The following ATP11A variants were observed in gnomAD, a reference collection of about 807,000 sequenced individuals.
ATP11A encodes phospholipid-transporting ATPase IH.
Under a neutral mutation model 154.4 loss-of-function variants are expected in ATP11A, and 81 were observed. The observed-to-expected ratio is 0.52, with a 90% CI of 0.44 to 0.63. ATP11A has a LOEUF of 0.63. ATP11A is among the 30% of genes least tolerant of loss of function. ATP11A has a pLI of 0.00. For synonymous variants in ATP11A, 623 were observed against 585.9 expected, an observed-to-expected ratio of 1.06 and a Z score of -0.91; for missense variants, 1,316 against 1,474.3, an observed-to-expected ratio of 0.89 and a Z score of 1.76.
intron 7 of ATP11A, 47 bp from the exon 8 acceptor site, chr13:112,819,853 G>C (rs777256806): frequency 6.2e-7 from 1 of 1,611,346 alleles, no homozygotes. Context: ...CGCTTCCCGG[G>C]GGCCGCTGGG....
rs566576296 is a variant in ATP11A, at chr13:112,755,308, GCACAGTCC to G, written c.40-29823_40-29816del. ...GTTTTCGTGTCTTCTGCTTTCCATT[GCACAGTCC>G]CACCCTCTCCTTGGATCCTAGAACT... On this transcript the variant is annotated intron_variant, in intron 1 of 29. Coordinates refer to ENST00000375645, the MANE Select transcript of ATP11A (RefSeq NM_015205.3). 2.0e-5 allele frequency among the ~76,000 whole-genome samples: 3 copies of G among 152,178 alleles called. No individual in the cohort carries two copies. In the East Asian group the frequency reaches 5.8e-4, roughly 30 times the overall value.
At chr13:112,768,981 T>A (rs1026687718) in intron 1 of ATP11A, among the ~76,000 whole-genome samples, 1 of 152,170 alleles carries the variant, frequency 6.6e-6, no homozygotes, top group East Asian at 1.9e-4. Context: ...ACTGTGACGT[T>A]AGTAACTGTG....
At chr13:112,789,608 A>G (rs532125232) in intron 2 of ATP11A, among the ~76,000 whole-genome samples, 44 of 146,850 alleles carry the variant, frequency 3.0e-4, no homozygotes, top group African/African-American at 1.1e-3. Context: ...ACCCCTGTGG[A>G]GACCTACTTA....
At chr13:112,851,276 C>T (rs1344269291) in intron 18 of ATP11A, 58 bp downstream of exon 18, 2 of 1,561,706 alleles carry the variant, frequency 1.3e-6, no homozygotes, top group Non-Finnish European at 1.7e-6. Flanking sequence ...GGCCGACGGC[C>T]CAGGGCGTGT....
intron 1 of ATP11A, among the ~76,000 whole-genome samples, chr13:112,691,385 A>G (rs1594294261): frequency 1.4e-5 from 2 of 147,734 alleles, no homozygotes; most frequent in South Asian, 4.4e-4. Flanking sequence ...AATCGCTTGA[A>G]CCCGGGAGGC....
chr13:112,865,014 G>A (rs2080274136), intron 25 of ATP11A, among the ~76,000 whole-genome samples: 1 of 150,068 alleles, frequency 6.7e-6, no homozygotes, highest in African/African-American at 2.5e-5. Context: ...TTCCCAGTGG[G>A]GACCATCACC....
chr13:112,782,270 G>T (rs957917368), intron 1 of ATP11A, among the ~76,000 whole-genome samples: 2 of 152,148 alleles, frequency 1.3e-5, no homozygotes, highest in African/African-American at 4.8e-5. Context: ...GCGTGGGCTC[G>T]CTGTGGCATG....
chr13:112,709,053 G>A (rs1198822893), intron 1 of ATP11A, among the ~76,000 whole-genome samples: 4 of 152,160 alleles, frequency 2.6e-5, no homozygotes, highest in Non-Finnish European at 5.9e-5. Flanking sequence ...GCAGGTCTGG[G>A]AGGGGGAATT....
chr13:112,880,390 C>A, intron 29 of ATP11A: 1 of 518,324 alleles, frequency 1.9e-6, no homozygotes, highest in Non-Finnish European at 2.8e-6. Context: ...CGCCCCAAGC[C>A]CTCGCCCTGG....
intron 17 of ATP11A, among the ~76,000 whole-genome samples, chr13:112,843,109 G>T (rs988891764): frequency 6.7e-6 from 1 of 150,058 alleles, no homozygotes; most frequent in Non-Finnish European, 1.5e-5. Context: ...TCCTAACGCC[G>T]AGCGACGCAT....
intron 1 of ATP11A, among the ~76,000 whole-genome samples, chr13:112,752,568 T>C (rs575719054): frequency 6.6e-6 from 1 of 152,340 alleles, no homozygotes; most frequent in African/African-American, 2.4e-5. Context: ...CAGCACTGAA[T>C]ACGCGTCCGT....
chr13:112,700,076 C>T (rs1417803661), intron 1 of ATP11A, among the ~76,000 whole-genome samples: 5 of 120,990 alleles, frequency 4.1e-5, no homozygotes, highest in Admixed American at 9.0e-5. Flanking sequence ...GGAAAGGGAA[C>T]GAAAATAAGA....
chr13:112,773,230 A>G (rs751187242), intron 1 of ATP11A, among the ~76,000 whole-genome samples: 12 of 151,520 alleles, frequency 7.9e-5, no homozygotes, highest in Admixed American at 1.3e-4. Context: ...GCCCTGCCCC[A>G]CCATCGCCAC....
chr13:112,844,229 C>T (rs1007200921), intron 17 of ATP11A, among the ~76,000 whole-genome samples: 1 of 152,214 alleles, frequency 6.6e-6, no homozygotes, highest in African/African-American at 2.4e-5. Flanking sequence ...TACCAAATAT[C>T]TTCCACCTGC....
chr13:112,810,865 T>C (rs911215449), intron 5 of ATP11A, 139 bp downstream of exon 5: 2 of 726,142 alleles, frequency 2.8e-6, no homozygotes, highest in Non-Finnish European at 4.6e-6. Flanking sequence ...AGCCTGGAAG[T>C]CGGAGGCCAC....
Position 112,826,733 on chromosome 13 carries a change from C to G in ATP11A, c.1063C>G (p.Leu355Val). The change falls in exon 12 of 30, where the codon CTC (leucine) becomes GTC (valine). Residue 355 changes from leucine to valine, a missense_variant. Coordinates refer to ENST00000375645, the MANE Select transcript of ATP11A (RefSeq NM_015205.3). Reference sequence around the variant, plus strand: ...CACGGACTTCCTGGCCTTCATGGTCCTCTTTAACTACATCATCCCTGTGTC... The same window carrying G: ...CACGGACTTCCTGGCCTTCATGGTCGTCTTTAACTACATCATCCCTGTGTC... ...AFTDFLAFMVLFNYIIPVSMY... is the reference protein window; with the variant it reads ...AFTDFLAFMVVFNYIIPVSMY... The G allele has an allele frequency of 1.9e-6, 3 of 1,614,228 alleles. No individual in the cohort carries two copies. Among genetic ancestry groups the G allele is most frequent in the South Asian group, 2.2e-5 (2 of 91,084 alleles).
chr13:112,800,437 A>G (rs1003288649), intron 2 of ATP11A, among the ~76,000 whole-genome samples: 4 of 152,164 alleles, frequency 2.6e-5, no homozygotes, highest in African/African-American at 9.6e-5. Flanking sequence ...ATCTACCAAA[A>G]CTCAAACAAG....
intron 18 of ATP11A, among the ~76,000 whole-genome samples, chr13:112,853,500 CTT>C (rs1197688413): frequency 6.6e-6 from 1 of 152,148 alleles, no homozygotes; most frequent in African/African-American, 2.4e-5. Context: ...TAGTCTGAAA[CTT>C]AGAAAAAATG....
chr13:112,717,555 C>T (rs1888608897), intron 1 of ATP11A: 1 of 152,222 alleles, frequency 6.6e-6, no homozygotes, highest in South Asian at 2.1e-4. Context: ...AATGTACAAC[C>T]TTCACATTGT....
Sources: gnomAD v4.1 joint callset for allele counts (sites outside exome capture counted in the v4.1 genomes callset) on GRCh38, gnomAD v4.1.1 for gene constraint, MANE v1.5 for transcripts, NCBI Gene and HGNC (gene_info 2026-07-23, HGNC 2026-07-21) for gene names.